Variants in CACHD1 observed in about 807,000 individuals in gnomAD.
CACHD1 encodes the protein VWFA and cache domain-containing protein 1.
CACHD1 carries 71 observed loss-of-function variants against 138.7 expected under a neutral mutation model. The ratio of observed to expected loss-of-function variants is 0.51; its 90% CI spans 0.42 to 0.62. The LOEUF is 0.62. Among genes scored for constraint, CACHD1 ranks in the 20% least tolerant of loss-of-function variants. The pLI, the probability that CACHD1 is intolerant of heterozygous loss-of-function variation, is 0.00. For synonymous variants in CACHD1, 578 were observed against 591.5 expected, an observed-to-expected ratio of 0.98 and a Z score of 0.33; for missense variants, 1,389 against 1,625.3, an observed-to-expected ratio of 0.85 and a Z score of 2.50.
At chr1:64,583,764 G>T (rs1245782326) in intron 3 of CACHD1, among the ~76,000 whole-genome samples, 1 of 152,116 alleles carries the variant, frequency 6.6e-6, no homozygotes, top group East Asian at 1.9e-4. Flanking sequence ...GTCTTATATG[G>T]TGGCAGGAAA....
intron 3 of CACHD1, among the ~76,000 whole-genome samples, chr1:64,593,807 T>A (rs1647126878): frequency 6.6e-6 from 1 of 152,196 alleles, no homozygotes; most frequent in Non-Finnish European, 1.5e-5. Context: ...TTATGAAAAC[T>A]TAGTTACATA....
chr1:64,687,892 A>C lies in CACHD1; in HGVS notation c.3587-3431A>C, dbSNP rs149510045. 6.7e-3 allele frequency among the ~76,000 whole-genome samples: 1,023 copies of C among 152,196 alleles called. 6 individuals carry two copies. The highest frequency in any genetic ancestry group is 0.011 in the Non-Finnish European group (737 of 68,014). Reference sequence around the variant, plus strand: ...ACAGGAACTTACAATTTAAGAAAGAATTTGCTAATGAATAGATAGCCTTAT... The same window carrying C: ...ACAGGAACTTACAATTTAAGAAAGACTTTGCTAATGAATAGATAGCCTTAT... On this transcript the variant is annotated intron_variant, in intron 26 of 26. Coordinates refer to ENST00000651257, the MANE Select transcript of CACHD1 (RefSeq NM_020925.4).
At chr1:64,567,814 A>G (rs150387067) in intron 2 of CACHD1, among the ~76,000 whole-genome samples, 280 of 152,326 alleles carry the variant, frequency 1.8e-3, no homozygotes, top group African/African-American at 6.3e-3. Context: ...TAATATGTCT[A>G]AACAATGTAA....
intron 5 of CACHD1, among the ~76,000 whole-genome samples, chr1:64,631,641 T>C (rs1220870143): frequency 6.6e-6 from 1 of 152,204 alleles, no homozygotes; most frequent in Non-Finnish European, 1.5e-5. Flanking sequence ...CTCCTTCTAA[T>C]TTGTTCCAGC....
chr1:64,542,270 G>A (rs933285735), intron 1 of CACHD1, among the ~76,000 whole-genome samples: 3 of 152,228 alleles, frequency 2.0e-5, no homozygotes, highest in East Asian at 1.9e-4. Context: ...GTACCTGGGC[G>A]TACAGTTTGA....
At position 64,673,379 on chromosome 1, in the gene CACHD1, A is replaced by G; in HGVS notation, c.2642A>G (p.His881Arg). 6.2e-7 allele frequency: 1 copy of G among 1,613,958 alleles called. No individual in the cohort carries two copies. Among genetic ancestry groups the G allele is most frequent in the Non-Finnish European group, 8.5e-7 (1 of 1,179,964 alleles). ...CTGGTAGCAAATGATATCCTCAACC[A>G]CCCCAACTTTGTAAAGAAAAACCTG... is the stretch of plus-strand genomic sequence containing the variant. ...EPLVANDILN[H>R]PNFVKKNLCN... The change falls in exon 19 of 27, where the codon CAC (histidine) becomes CGC (arginine). Residue 881 changes from histidine to arginine, a missense_variant. By Grantham distance (29) the His-to-Arg change is conservative. Around this residue, in one of 5 missense-constraint regions of CACHD1, gnomAD observed 1,000 missense variants for 1,114.7 expected, o/e 0.90. Transcript: ENST00000651257.
chr1:64,539,430 A>G lies in CACHD1; in HGVS notation c.199-11164A>G, dbSNP rs531450148. On this transcript the variant is annotated intron_variant, in intron 1 of 26. Coordinates refer to ENST00000651257, the MANE Select transcript of CACHD1 (RefSeq NM_020925.4). ...AAACCCTGCACAGTCTATGTATTCC[A>G]TTTAGTTCAGCTTTGTTTCCAAAAG... is the stretch of plus-strand genomic sequence containing the variant. Among the ~76,000 whole-genome samples, 165 of 152,264 alleles carry G rather than the reference A, an allele frequency of 1.1e-3. 1 individual carries two copies. Among genetic ancestry groups the G allele is most frequent in the Non-Finnish European group, 1.7e-3 (114 of 68,020 alleles).
intron 1 of CACHD1, among the ~76,000 whole-genome samples, chr1:64,510,174 ATCTTC>A (rs1646408686): frequency 6.6e-6 from 1 of 152,198 alleles, no homozygotes; most frequent in Non-Finnish European, 1.5e-5. Context: ...GCAAATCAGT[ATCTTC>A]TCTTGTCACA....
At chr1:64,680,707 G>A (rs1034776458) in intron 24 of CACHD1, among the ~76,000 whole-genome samples, 3 of 152,070 alleles carry the variant, frequency 2.0e-5, no homozygotes, top group African/African-American at 7.2e-5. Flanking sequence ...CATCTTCCTG[G>A]CCACTTAGCT....
intron 1 of CACHD1, among the ~76,000 whole-genome samples, chr1:64,536,263 C>T (rs1264837225): frequency 6.6e-6 from 1 of 152,126 alleles, no homozygotes; most frequent in Non-Finnish European, 1.5e-5. Flanking sequence ...GGCATTTAAA[C>T]AATATGCCTT....
chr1:64,597,065 AC>A (rs1330392875), intron 3 of CACHD1, among the ~76,000 whole-genome samples: 1 of 151,928 alleles, frequency 6.6e-6, no homozygotes, highest in East Asian at 1.9e-4. Context: ...AAGGAAGTAA[AC>A]CCCAACTGGT....
intron 1 of CACHD1, among the ~76,000 whole-genome samples, chr1:64,549,407 A>G (rs1646741996): frequency 1.3e-5 from 2 of 152,176 alleles, no homozygotes; most frequent in Non-Finnish European, 2.9e-5. Flanking sequence ...ACATTGGAGA[A>G]TGATGGGAGG....
At chr1:64,600,736 G>A (rs1647203881) in intron 3 of CACHD1, among the ~76,000 whole-genome samples, 1 of 152,194 alleles carries the variant, frequency 6.6e-6, no homozygotes, top group Non-Finnish European at 1.5e-5. Flanking sequence ...TATGGCACAT[G>A]CCTTGACAGA....
At chr1:64,480,115 G>A (rs1174215845) in intron 1 of CACHD1, among the ~76,000 whole-genome samples, 2 of 152,180 alleles carry the variant, frequency 1.3e-5, no homozygotes, top group South Asian at 4.1e-4. Context: ...TGCAAATCCA[G>A]GCTTATCAGG....
At chr1:64,665,959 C>G (rs551355783) in intron 15 of CACHD1, 98 bp from the exon 16 acceptor site, 1 of 587,536 alleles carries the variant, frequency 1.7e-6, no homozygotes, top group East Asian at 3.3e-5. Flanking sequence ...GAGCTGAGAT[C>G]GCACCACTGC....
At chr1:64,493,648 G>T (rs1023617493) in intron 1 of CACHD1, among the ~76,000 whole-genome samples, 4 of 152,198 alleles carry the variant, frequency 2.6e-5, no homozygotes, top group African/African-American at 9.7e-5. Context: ...CAACCCAGGG[G>T]TTGTGGCAGC....
chr1:64,550,573 T>G (rs745871031), intron 1 of CACHD1, 21 bp from the exon 2 acceptor site: 2 of 1,574,104 alleles, frequency 1.3e-6, no homozygotes, highest in Non-Finnish European at 1.7e-6. Flanking sequence ...AAATCTCATG[T>G]TCATTTTCTT....
In CACHD1 at chr1:64,658,800, G is replaced by T; in HGVS notation, c.1878G>T (p.Lys626Asn). The change falls in exon 13 of 27, where the codon AAG (lysine) becomes AAT (asparagine). Residue 626 changes from lysine to asparagine, a missense_variant. Coordinates refer to ENST00000651257, the MANE Select transcript of CACHD1 (RefSeq NM_020925.4). ...LKNLNTVPSS[K>N]LLYHRLDLLG... Reference sequence around the variant, plus strand: ...ACCTCAACACTGTTCCCAGCAGCAAGCTGCTGTACCACCGGCTGGATCTCC... The same window carrying T: ...ACCTCAACACTGTTCCCAGCAGCAATCTGCTGTACCACCGGCTGGATCTCC... 1 of 1,603,288 alleles carries T rather than the reference G, an allele frequency of 6.2e-7. No individual in the cohort carries two copies.
At chr1:64,654,505 C>A (rs926292735) in intron 11 of CACHD1, among the ~76,000 whole-genome samples, 181 bp from the exon 12 acceptor site, 3 of 152,162 alleles carry the variant, frequency 2.0e-5, no homozygotes, top group Admixed American at 2.0e-4. Flanking sequence ...GTTTTTAATG[C>A]AGAGCTGACA....
Sources: gnomAD v4.1 joint callset for allele counts (sites outside exome capture counted in the v4.1 genomes callset) on GRCh38, gnomAD v4.1.1 for gene constraint, gnomAD v4.1.1 regional missense constraint, MANE v1.5 for transcripts, NCBI Gene and HGNC (gene_info 2026-07-23, HGNC 2026-07-21) for gene names.